Variants in ZNF423 observed in about 807,000 individuals in gnomAD.
ZNF423 encodes zinc finger protein 423, also known as Ebf-associated zinc finger protein.
In ZNF423, 12 loss-of-function variants were observed where a neutral mutation model predicts 95.8. The ratio of observed to expected loss-of-function variants is 0.13; its 90% CI spans 0.08 to 0.20. ZNF423 has a LOEUF of 0.20. ZNF423 is among the 10% of genes least tolerant of loss of function. The probability of loss-of-function intolerance (pLI) is 1.00; values close to 1 mark genes in which losing one functional copy is unlikely to be tolerated. For missense variants in ZNF423, 1,316 were observed against 1,737.1 expected, an observed-to-expected ratio of 0.76 and a Z score of 4.31; for synonymous variants, 749 against 711.9, an observed-to-expected ratio of 1.05 and a Z score of -0.83.
intron 5 of ZNF423, among the ~76,000 whole-genome samples, chr16:49,606,757 C>T (rs974335346): frequency 7.9e-5 from 12 of 152,192 alleles, no homozygotes; most frequent in African/African-American, 2.9e-4. Context: ...GAGAACACAG[C>T]GAGGAACATT....
chr16:49,652,951 G>GTTGT (rs1328572697), intron 3 of ZNF423, among the ~76,000 whole-genome samples: 1 of 152,214 alleles, frequency 6.6e-6, no homozygotes, highest in African/African-American at 2.4e-5. Flanking sequence ...AGTGAACAGA[G>GTTGT]AAACAAGTTC....
At chr16:49,858,993 G>A (rs1489752097), upstream of ZNF423, among the ~76,000 whole-genome samples, 2 of 152,240 alleles carry the variant, frequency 1.3e-5, no homozygotes, top group African/African-American at 2.4e-5. This position sits in a 1 kb window ranked among gnomAD's most constrained non-coding sequence, Gnocchi z 4.3. Flanking sequence ...GAGGTAGGGG[G>A]CGGGGAACGG....
chr16:49,646,574 C>CTTTTTTTTTTTTTTTTTTT (rs71380366), intron 3 of ZNF423, among the ~76,000 whole-genome samples: 26 of 117,976 alleles, frequency 2.2e-4, no homozygotes, highest in African/African-American at 3.0e-4. Flanking sequence ...TTTTCTTTTT[C>CTTTTTTTTTTTTTTTTTTT]TTTTTTTTTT....
At chr16:49,564,919 T>G (rs1438318807) in intron 5 of ZNF423, among the ~76,000 whole-genome samples, 2 of 152,168 alleles carry the variant, frequency 1.3e-5, no homozygotes, top group Non-Finnish European at 2.9e-5. Context: ...TCTTCTAAAT[T>G]CCCGGCATTC....
At chr16:49,498,034 T>C (rs189201522) in intron 7 of ZNF423, among the ~76,000 whole-genome samples, 3 of 152,266 alleles carry the variant, frequency 2.0e-5, no homozygotes, top group Admixed American at 1.3e-4. Context: ...ACTGGGTGTG[T>C]GTGTGAGAGC....
At chr16:49,805,533 C>G (rs1234988807) in intron 1 of ZNF423, among the ~76,000 whole-genome samples, 1 of 152,188 alleles carries the variant, frequency 6.6e-6, no homozygotes, top group East Asian at 1.9e-4. Context: ...TCTCTCGGCC[C>G]CTTCAAAACA....
At position 49,638,995 on chromosome 16, in the gene ZNF423, G is replaced by A. The variant is rs1596768932; in HGVS notation, c.302-121C>T. ...TGTGCAGCTGGCCAACGGCTGCAGG[G>A]GGCTGTGGGGAGGGGCAGGGGCCGG... On this transcript the variant is annotated intron_variant, in intron 3 of 7. Transcript: ENST00000563137. The surrounding 1 kb of genome is among the most constrained non-coding windows in gnomAD (Gnocchi z 5.6). 1 of 1,444,712 alleles carries A rather than the reference G, an allele frequency of 6.9e-7. No individual in the cohort carries two copies. The highest frequency in any genetic ancestry group is 2.8e-5 in the Admixed American group (1 of 36,000). 89.5% of individuals were successfully genotyped at this position (1,444,712 alleles called of 1,614,324 possible). A position where few individuals can be genotyped will look rare whatever the true frequency, so the allele number is the denominator to read the frequency against.
intron 5 of ZNF423, among the ~76,000 whole-genome samples, chr16:49,550,031 CACAG>C (rs1484819088): frequency 2.0e-5 from 3 of 152,280 alleles, no homozygotes; most frequent in East Asian, 3.9e-4. Flanking sequence ...CGCCACCATG[CACAG>C]ACAATCTTTT....
At chr16:49,670,541 C>T (rs1395567607) in intron 3 of ZNF423, among the ~76,000 whole-genome samples, 1 of 152,190 alleles carries the variant, frequency 6.6e-6, no homozygotes, top group Admixed American at 6.5e-5. Flanking sequence ...TAGATGCAGG[C>T]AGCCAACCTA....
At chr16:49,643,973 G>T (rs1973071489) in intron 3 of ZNF423, among the ~76,000 whole-genome samples, 1 of 152,248 alleles carries the variant, frequency 6.6e-6, no homozygotes, top group South Asian at 2.1e-4. Context: ...AATTCAGCAG[G>T]CTGATGCTAC....
chr16:49,625,496 C>T (rs1232992005), intron 5 of ZNF423, among the ~76,000 whole-genome samples: 1 of 152,212 alleles, frequency 6.6e-6, no homozygotes, highest in Non-Finnish European at 1.5e-5. Flanking sequence ...CCCAGCCCAT[C>T]CCAGGCCAGC....
Position 49,637,607 on chromosome 16 carries a change from A to G in ZNF423, c.1569T>C (p.Asn523=), listed in dbSNP as rs13336762. The change falls in exon 4 of 8, where the codon AAT becomes AAC. Residue 523 remains asparagine, a synonymous_variant. Transcript: ENST00000563137. The surrounding 1 kb of genome is among the most constrained non-coding windows in gnomAD (Gnocchi z 5.6). ...TGGAGCACTGGTTGCAGAAGAAAGC[A>G]TTATTACCGTCAGAGGGGTTGGCGT... is the stretch of plus-strand genomic sequence containing the variant. The part of the protein sequence containing the change: ...GPNANPSDGN[N]AFFCNQCSMG... 15,070 of 1,613,952 alleles carry G rather than the reference A, an allele frequency of 9.3e-3. 1,174 individuals carry two copies. In the African/African-American group the frequency reaches 0.17, roughly 18 times the overall value.
In ZNF423 at chr16:49,489,919, G is replaced by A. The variant is rs1966899560; in HGVS notation, c.*1356C>T. 2 of 152,356 alleles carry A rather than the reference G, an allele frequency of 1.3e-5. No homozygotes were observed. Among genetic ancestry groups the A allele is most frequent in the African/African-American group, 4.8e-5 (2 of 41,420 alleles). 9.4% of individuals were successfully genotyped at this position (152,356 alleles called of 1,614,324 possible). A position where few individuals can be genotyped will look rare whatever the true frequency, so the allele number is the denominator to read the frequency against. On this transcript the variant is annotated 3_prime_UTR_variant, in exon 8 of 8. Coordinates refer to ENST00000563137, the MANE Select transcript of ZNF423 (RefSeq NM_001379286.1). ...GAGGCCAGCAGGGCCAGGAGTAGGT[G>A]AAATAAGCAAGGTGCCTAGAGTGTA...
chr16:49,642,801 C>CTTTTTTT (rs55662710), intron 3 of ZNF423, among the ~76,000 whole-genome samples: 33 of 91,454 alleles, frequency 3.6e-4, no homozygotes, highest in Admixed American at 8.9e-4. Flanking sequence ...GTTCTCTTTT[C>CTTTTTTT]TTTTTTTTTT....
chr16:49,715,168 A>G (rs1410816339), intron 3 of ZNF423, among the ~76,000 whole-genome samples: 1 of 152,252 alleles, frequency 6.6e-6, no homozygotes, highest in Non-Finnish European at 1.5e-5. Context: ...GGGACTCCTA[A>G]GAGGGTCACC....
intron 5 of ZNF423, among the ~76,000 whole-genome samples, chr16:49,576,756 A>T (rs1369014465): frequency 6.6e-6 from 1 of 152,100 alleles, no homozygotes; most frequent in Admixed American, 6.6e-5. Context: ...TCTGAGCTGA[A>T]TTTTTTCCAT....
At chr16:49,778,314 T>C (rs1028283006) in intron 2 of ZNF423, among the ~76,000 whole-genome samples, 1 of 152,206 alleles carries the variant, frequency 6.6e-6, no homozygotes, top group Non-Finnish European at 1.5e-5. Context: ...CAGGGCACCA[T>C]TGACCATATC....
chr16:49,628,485 T>C (rs1030697595), intron 4 of ZNF423, among the ~76,000 whole-genome samples: 26 of 151,578 alleles, frequency 1.7e-4, no homozygotes, highest in Admixed American at 2.6e-4. Flanking sequence ...CACCTACCTA[T>C]TGTCTGTCTA....
At chr16:49,545,822 T>G (rs1314021879) in intron 5 of ZNF423, among the ~76,000 whole-genome samples, 1 of 152,204 alleles carries the variant, frequency 6.6e-6, no homozygotes, top group African/African-American at 2.4e-5. Flanking sequence ...GCTAACTACC[T>G]GCCAGGCATT....
Sources: gnomAD v4.1 joint callset for allele counts (sites outside exome capture counted in the v4.1 genomes callset) on GRCh38, gnomAD v4.1.1 for gene constraint, Gnocchi (gnomAD v3.1) non-coding constraint, MANE v1.5 for transcripts, NCBI Gene and HGNC (gene_info 2026-07-23, HGNC 2026-07-21) for gene names.